The following GADL1 variants were observed in gnomAD, a reference collection of about 807,000 sequenced individuals.
GADL1 encodes the protein GAD like acidic amino acid decarboxylase 1, also known as acidic amino acid decarboxylase GADL1.
GADL1 carries 71 observed loss-of-function variants against 69.5 expected under a neutral mutation model. That is an observed-to-expected ratio of 1.02 (90% CI 0.84 to 1.25). The LOEUF is 1.25. Among genes scored for constraint, GADL1 ranks in the 50% most tolerant of loss-of-function variants. The probability of loss-of-function intolerance (pLI) is 0.00; values close to 1 mark genes in which losing one functional copy is unlikely to be tolerated. For synonymous variants in GADL1, 254 were observed against 214.4 expected, an observed-to-expected ratio of 1.18 and a Z score of -1.62; for missense variants, 737 against 631.8, an observed-to-expected ratio of 1.17 and a Z score of -1.79.
intron 2 of GADL1, among the ~76,000 whole-genome samples, chr3:30,858,365 C>A (rs1698260550): frequency 6.6e-6 from 1 of 151,884 alleles, no homozygotes; most frequent in Non-Finnish European, 1.5e-5. Context: ...GTGTTTGGGG[C>A]AATAGCTTTA....
At chr3:30,754,879 C>T (rs530971310) in intron 14 of GADL1, among the ~76,000 whole-genome samples, 74 of 150,526 alleles carry the variant, frequency 4.9e-4, no homozygotes, top group African/African-American at 1.7e-3. Context: ...CTGAAAGTCT[C>T]ATGTGCTTGG....
intron 9 of GADL1, among the ~76,000 whole-genome samples, chr3:30,836,329 GCATTAGTTCACCA>G (rs1051917010): frequency 3.3e-5 from 5 of 151,272 alleles, no homozygotes; most frequent in Admixed American, 1.3e-4. Flanking sequence ...CCCTTCCAAG[GCATTAGTTCACCA>G]CTTCACAAAG....
At chr3:30,819,612 A>C (rs1267744323) in intron 11 of GADL1, among the ~76,000 whole-genome samples, 1 of 152,178 alleles carries the variant, frequency 6.6e-6, no homozygotes, top group Non-Finnish European at 1.5e-5. Flanking sequence ...CAAATGTAAA[A>C]TAGCATTCTT....
At chr3:30,779,593 G>T (rs1696613870) in intron 13 of GADL1, among the ~76,000 whole-genome samples, 1 of 152,148 alleles carries the variant, frequency 6.6e-6, no homozygotes, top group South Asian at 2.1e-4. Context: ...AATGACTTTT[G>T]CAGCAACCTA....
intron 1 of GADL1, among the ~76,000 whole-genome samples, chr3:30,862,429 A>G (rs1285216936): frequency 6.6e-6 from 1 of 152,026 alleles, no homozygotes; most frequent in Non-Finnish European, 1.5e-5. Flanking sequence ...AGTGGTTTTA[A>G]CTTTCAGAAT....
chr3:30,839,152 A>C, intron 8 of GADL1, 39 bp from the exon 9 acceptor site: 1 of 1,322,180 alleles, frequency 7.6e-7, no homozygotes, highest in South Asian at 1.6e-5. Context: ...TATCACTGTC[A>C]TCACTAAATT....
chr3:30,789,016 C>G (rs532225240), intron 12 of GADL1, among the ~76,000 whole-genome samples: 2 of 152,274 alleles, frequency 1.3e-5, no homozygotes, highest in South Asian at 4.1e-4. Flanking sequence ...GTATTTTGAG[C>G]TCCTATGAGT....
At chr3:30,846,135 G>GA (rs1437761356) in intron 6 of GADL1, among the ~76,000 whole-genome samples, 66 of 151,894 alleles carry the variant, frequency 4.3e-4, no homozygotes, top group African/African-American at 1.5e-3. Flanking sequence ...CTGGAAGGGA[G>GA]AACAAAAGAA....
At chr3:30,800,759 A>G in intron 12 of GADL1, 130 bp downstream of exon 12, 1 of 729,580 alleles carries the variant, frequency 1.4e-6, no homozygotes, top group Admixed American at 2.6e-5. Context: ...CTTGCAACAC[A>G]TTTCAAGTAT....
At chr3:30,859,326 G>A (rs905375299) in intron 2 of GADL1, among the ~76,000 whole-genome samples, 7 of 151,916 alleles carry the variant, frequency 4.6e-5, no homozygotes, top group African/African-American at 1.7e-4. Flanking sequence ...AATTGGAAAT[G>A]CCTGAGACAA....
rs542466465 is a variant in GADL1, at chr3:30,761,546, T to C, written c.1392+16633A>G. On this transcript the variant is annotated intron_variant, in intron 14 of 14. Transcript: ENST00000282538. ...CCAAATTTTTAGTGCAAAGAATTAT[T>C]GAGTAAGCTTCCTTCCCTGAATCTG... Among the ~76,000 whole-genome samples, 250 of 152,334 alleles carry C rather than the reference T, an allele frequency of 1.6e-3. 1 individual carries two copies. The highest frequency in any genetic ancestry group is 5.7e-3 in the African/African-American group (238 of 41,580).
At chr3:30,765,178 T>C (rs980317840) in intron 14 of GADL1, among the ~76,000 whole-genome samples, 2 of 152,170 alleles carry the variant, frequency 1.3e-5, no homozygotes, top group Non-Finnish European at 2.9e-5. Flanking sequence ...TCATCTCCCC[T>C]AACATGTCTT....
intron 14 of GADL1, among the ~76,000 whole-genome samples, chr3:30,750,921 CATT>C (rs1414659417): frequency 6.6e-6 from 1 of 152,024 alleles, no homozygotes; most frequent in Non-Finnish European, 1.5e-5. Flanking sequence ...AGACAGAGGA[CATT>C]ATCTGAAACA....
intron 4 of GADL1, 134 bp downstream of exon 4, chr3:30,854,565 C>T: frequency 1.7e-6 from 1 of 585,154 alleles, no homozygotes. Context: ...TGATAAGTAT[C>T]ATAAAACTAT....
In GADL1 at chr3:30,803,247, C is replaced by T. The variant is rs143644978; in HGVS notation, c.1051-2159G>A. Among the ~76,000 whole-genome samples the T allele has an allele frequency of 1.9e-3, 293 of 152,284 alleles. 3 individuals carry two copies. Among genetic ancestry groups the T allele is most frequent in the African/African-American group, 6.6e-3 (274 of 41,546 alleles). On this transcript the variant is annotated intron_variant, in intron 11 of 14. Coordinates refer to ENST00000282538, the MANE Select transcript of GADL1 (RefSeq NM_207359.3). ...CTTAGATTTTATCATCAATATCTCT[C>T]CTCTGATCACAGTTGCCACTGCTGC...
chr3:30,833,463 T>C (rs1295630905), intron 11 of GADL1, among the ~76,000 whole-genome samples: 1 of 152,076 alleles, frequency 6.6e-6, no homozygotes, highest in African/African-American at 2.4e-5. Context: ...TTCAATTTAA[T>C]GTATGACACA....
chr3:30,874,135 A>AGT (rs1051131504), intron 1 of GADL1, among the ~76,000 whole-genome samples: 87 of 152,030 alleles, frequency 5.7e-4, no homozygotes, highest in African/African-American at 1.9e-3. Flanking sequence ...TTCTTAGTGA[A>AGT]GTAGGTAGTG....
intron 12 of GADL1, among the ~76,000 whole-genome samples, chr3:30,791,042 G>C (rs113750652): frequency 2.7e-4 from 41 of 151,908 alleles, no homozygotes; most frequent in African/African-American, 9.4e-4. Flanking sequence ...ACAAAGTATG[G>C]AAGGATACGT....
chr3:30,788,817 G>A (rs1696853900), intron 12 of GADL1, among the ~76,000 whole-genome samples: 2 of 152,148 alleles, frequency 1.3e-5, no homozygotes, highest in African/African-American at 4.8e-5. Flanking sequence ...TCCATAGGAA[G>A]AGGCTCCTCA....
Sources: gnomAD v4.1 joint callset for allele counts (sites outside exome capture counted in the v4.1 genomes callset) on GRCh38, gnomAD v4.1.1 for gene constraint, MANE v1.5 for transcripts, NCBI Gene and HGNC (gene_info 2026-07-23, HGNC 2026-07-21) for gene names.